MXD4: variants seen among roughly 807,000 people sequenced by gnomAD.
MXD4 encodes the protein MAX dimerization protein 4.
Under a neutral mutation model 24.5 loss-of-function variants are expected in MXD4, and 16 were observed. That is an observed-to-expected ratio of 0.65 (90% CI 0.44 to 0.99). The LOEUF is 0.99. Among genes scored for constraint, MXD4 ranks in the 50% least tolerant of loss-of-function variants. The pLI is 0.00. For synonymous variants in MXD4, 164 were observed against 134.2 expected (o/e 1.22, Z -1.54); for missense variants, 301 against 301.5 (o/e 1.00, Z 0.01).
intron 2 of MXD4, among the ~76,000 whole-genome samples, chr4:2,261,046 C>T (rs1394057756): frequency 6.6e-6 from 1 of 152,222 alleles, no homozygotes; most frequent in African/African-American, 2.4e-5. Flanking sequence ...CTTCATGGGG[C>T]CCCTGCCCTG....
Position 2,257,163 on chromosome 4 carries a change from T to C in MXD4, c.194+819A>G, listed in dbSNP as rs1396830234. ...GGTGCTGCTGTGGGGGTAGACATGGTGGGGAGGCGGAGAACTGGCCGAGCA... is the reference window on the plus strand; with the variant it reads ...GGTGCTGCTGTGGGGGTAGACATGGCGGGGAGGCGGAGAACTGGCCGAGCA... On this transcript the variant is annotated intron_variant, in intron 3 of 5. Transcript: ENST00000337190. Among the ~76,000 whole-genome samples the C allele has an allele frequency of 3.3e-5, 5 of 152,066 alleles. 1 individual carries two copies. The South Asian group carries it at 1.0e-3, about 32-fold the overall frequency.
intron 2 of MXD4, chr4:2,260,452 T>C: frequency 2.4e-6 from 1 of 425,324 alleles, no homozygotes; most frequent in Non-Finnish European, 4.8e-6. Context: ...GGACGCTGGT[T>C]GTCAGCTTTG....
chr4:2,260,781 C>T (rs1053645268), intron 2 of MXD4, among the ~76,000 whole-genome samples: 1 of 152,326 alleles, frequency 6.6e-6, no homozygotes, highest in South Asian at 2.1e-4. Context: ...TGAGCCATGC[C>T]CTGGGGCTCT....
At chr4:2,257,540 G>A (rs779445633) in intron 3 of MXD4, among the ~76,000 whole-genome samples, 6 of 152,246 alleles carry the variant, frequency 3.9e-5, no homozygotes, top group Non-Finnish European at 7.3e-5. Flanking sequence ...TCCTGCCCTA[G>A]GCTGGAGCTT....
At chr4:2,252,348 G>C (rs1735340289) in intron 4 of MXD4, 60 bp downstream of exon 4, 2 of 1,383,748 alleles carry the variant, frequency 1.4e-6, no homozygotes, top group African/African-American at 1.4e-5. Context: ...CACCCCCCCA[G>C]GGCGTGCAGG....
chr4:2,250,696 C>T lies in MXD4; in HGVS notation c.478G>A (p.Asp160Asn). Reference protein sequence around the residue: ...VSTDDSEQEVDIEGMEFGPGE... With the variant: ...VSTDDSEQEVNIEGMEFGPGE... ...GGGCCAAACTCCATGCCCTCTATGT[C>T]CACTTCTAGGGAGAATAGAGTGGGG... The change falls in exon 6 of 6, where the codon GAC becomes AAC. Residue 160 changes from aspartate (D) to asparagine (N), a missense_variant. Asp to Asn is a conservative substitution (Grantham distance 23). Coordinates refer to ENST00000337190, the MANE Select transcript of MXD4 (RefSeq NM_006454.3). The T allele has an allele frequency of 6.2e-7, 1 of 1,613,532 alleles. No homozygotes were observed. The highest frequency in any genetic ancestry group is 8.5e-7 in the Non-Finnish European group (1 of 1,179,848).
intron 2 of MXD4, among the ~76,000 whole-genome samples, chr4:2,259,924 T>G (rs565330922): frequency 1.3e-5 from 2 of 152,152 alleles, no homozygotes; most frequent in Non-Finnish European, 2.9e-5. Context: ...CCCCACTCCC[T>G]ACCCTTGCCC....
In MXD4 at chr4:2,250,528, AGCAGAGGGCACGG is replaced by A. The variant is rs1368368368; in HGVS notation, c.*3_*15del. 2 of 1,555,338 alleles carry A rather than the reference AGCAGAGGGCACGG, an allele frequency of 1.3e-6. No homozygotes were observed. Among genetic ancestry groups the A allele is most frequent in the African/African-American group, 2.7e-5 (2 of 73,358 alleles). Reference sequence around the variant, plus strand: ...TGGCTGGCGGGCAGGCAGGCCAAGGAGCAGAGGGCACGGGCCTACGAGAGGGCGGGGCGGCCCA... The same window carrying A: ...TGGCTGGCGGGCAGGCAGGCCAAGGAGCCTACGAGAGGGCGGGGCGGCCCA... On this transcript the variant is annotated 3_prime_UTR_variant, in exon 6 of 6. Coordinates refer to ENST00000337190, the MANE Select transcript of MXD4 (RefSeq NM_006454.3).
At chr4:2,259,283 G>C (rs768114165) in intron 2 of MXD4, among the ~76,000 whole-genome samples, 1 of 152,112 alleles carries the variant, frequency 6.6e-6, no homozygotes, top group African/African-American at 2.4e-5. Flanking sequence ...TGTAGCCTCA[G>C]CAGAGCCTCC....
At chr4:2,255,122 G>A (rs1735400857) in intron 3 of MXD4, 1 of 368,592 alleles carries the variant, frequency 2.7e-6, no homozygotes, top group African/African-American at 2.1e-5. Flanking sequence ...GAAGGTGGAG[G>A]AGTGTGCCCT....
intron 2 of MXD4, among the ~76,000 whole-genome samples, 166 bp downstream of exon 2, chr4:2,261,559 G>A (rs975664034): frequency 1.4e-5 from 2 of 147,338 alleles, no homozygotes; most frequent in Admixed American, 6.7e-5. Context: ...CCGGCCGGGC[G>A]GGGCTGCGGC....
At chr4:2,260,517 G>A (rs1735518418) in intron 2 of MXD4, 3 of 455,574 alleles carry the variant, frequency 6.6e-6, no homozygotes, top group South Asian at 3.1e-5. Context: ...CCACGGGTCA[G>A]GGACTTGGTT....
At chr4:2,250,852 G>T in intron 5 of MXD4, 151 bp from the exon 6 acceptor site, 1 of 1,217,114 alleles carries the variant, frequency 8.2e-7, no homozygotes, top group Non-Finnish European at 1.1e-6. Flanking sequence ...GAGGGCTCTG[G>T]CTGAGAACCC....
chr4:2,248,000 G>A lies in MXD4; in HGVS notation c.*2544C>T, dbSNP rs1735231927. On this transcript the variant is annotated 3_prime_UTR_variant, in exon 6 of 6. Coordinates refer to ENST00000337190, the MANE Select transcript of MXD4 (RefSeq NM_006454.3). ...TGGCCGAGAGCACTGGTGTGGGCTGGGAGGGCACACGCAGAGGCTCAGGAG... is the reference window on the plus strand; with the variant it reads ...TGGCCGAGAGCACTGGTGTGGGCTGAGAGGGCACACGCAGAGGCTCAGGAG... The A allele has an allele frequency of 6.6e-6, 1 of 152,386 alleles. No individual in the cohort carries two copies. The highest frequency in any genetic ancestry group is 1.5e-5 in the Non-Finnish European group (1 of 68,148). The allele number at this position is 152,386 out of a possible 1,614,324, so 9.4% of individuals were successfully genotyped here.
chr4:2,254,451 T>TA (rs1219098430), intron 3 of MXD4: 2 of 152,190 alleles, frequency 1.3e-5, no homozygotes, highest in Admixed American at 1.3e-4. Flanking sequence ...TTTATTTCTT[T>TA]AGCTTTGTGC....
At chr4:2,256,832 G>C (rs529253050) in intron 3 of MXD4, among the ~76,000 whole-genome samples, 1 of 150,782 alleles carries the variant, frequency 6.6e-6, no homozygotes, top group Non-Finnish European at 1.5e-5. Context: ...CCCTTAATCT[G>C]TCCCCATTGG....
intron 3 of MXD4, among the ~76,000 whole-genome samples, chr4:2,257,438 C>G (rs1735453462): frequency 6.6e-6 from 1 of 152,214 alleles, no homozygotes; most frequent in Admixed American, 6.5e-5. Context: ...ACCTCATCCC[C>G]ACCAGCAGAG....
chr4:2,261,488 C>T (rs1335418063), intron 2 of MXD4, among the ~76,000 whole-genome samples: 1 of 151,124 alleles, frequency 6.6e-6, no homozygotes, highest in Non-Finnish European at 1.5e-5. Flanking sequence ...ACGCGTGGCA[C>T]TGTTTACGCG....
In MXD4 at chr4:2,254,951, C is replaced by A. The variant is rs1735395762; in HGVS notation, c.195-2429G>T. The A allele has an allele frequency of 1.3e-5, 3 of 233,684 alleles. No individual in the cohort carries two copies. In the South Asian group the frequency reaches 1.4e-4, roughly 11 times the overall value. 14.5% of individuals were successfully genotyped at this position (233,684 alleles called of 1,614,324 possible). ...TGACCGCCAACCAGCATCTCTACTT[C>A]TAGGGCCTTGGTCCTACAAAACTAT... On this transcript the variant is annotated intron_variant, in intron 3 of 5. Transcript: ENST00000337190.
Sources: allele counts gnomAD v4.1 joint callset (sites outside exome capture counted in the v4.1 genomes callset), GRCh38; gene constraint gnomAD v4.1.1; transcripts MANE v1.5; gene names NCBI Gene and HGNC (gene_info 2026-07-23, HGNC 2026-07-21).